TRIM2: variants seen among roughly 807,000 people sequenced by gnomAD.
The protein encoded by TRIM2 is tripartite motif containing 2.
Under a neutral mutation model 75.2 loss-of-function variants are expected in TRIM2, and 20 were observed. That is an observed-to-expected ratio of 0.27 (90% CI 0.19 to 0.39). The LOEUF (loss-of-function observed/expected upper bound fraction) is 0.39. Ranked by LOEUF, TRIM2 falls within the 10% of genes least tolerant of loss-of-function variation. The pLI is 1.00. For missense variants in TRIM2, 660 were observed against 990.8 expected, an observed-to-expected ratio of 0.67 and a Z score of 4.48; for synonymous variants, 373 against 388.3, an observed-to-expected ratio of 0.96 and a Z score of 0.46.
intron 6 of TRIM2, chr4:153,308,121 C>T: frequency 9.9e-7 from 1 of 1,014,518 alleles, no homozygotes; most frequent in Non-Finnish European, 1.6e-6. Context: ...GGTCATGACG[C>T]TGATCCACTT....
Position 153,335,070 on chromosome 4 carries a change from A to G in TRIM2, c.*104A>G. ...GACTAGAGTTTTTATGCCAGAAGGAATCATTGGTGAACTTTCCAAGGTTAT... is the reference window on the plus strand; with the variant it reads ...GACTAGAGTTTTTATGCCAGAAGGAGTCATTGGTGAACTTTCCAAGGTTAT... On this transcript the variant is annotated 3_prime_UTR_variant, in exon 12 of 12. Coordinates refer to ENST00000338700, the MANE Select transcript of TRIM2 (RefSeq NM_015271.5). 7.5e-7 allele frequency: 1 copy of G among 1,336,924 alleles called. No homozygotes were observed. The allele number at this position is 1,336,924 out of a possible 1,614,324, so 82.8% of individuals were successfully genotyped here. A position where few individuals can be genotyped will look rare whatever the true frequency, so the allele number is the denominator to read the frequency against.
At chr4:153,293,330 C>T (rs1762190648) in intron 4 of TRIM2, among the ~76,000 whole-genome samples, 197 bp downstream of exon 4, 1 of 152,234 alleles carries the variant, frequency 6.6e-6, no homozygotes, top group Admixed American at 6.5e-5. Context: ...GTTGGTAGAA[C>T]TCCAGCCTCC....
intron 1 of TRIM2, among the ~76,000 whole-genome samples, chr4:153,219,180 C>A (rs1739297567): frequency 6.6e-6 from 1 of 152,100 alleles, no homozygotes; most frequent in African/African-American, 2.4e-5. Context: ...CTGGCTCTTT[C>A]CAGCTATTTC....
rs1757187818 is a variant in TRIM2 at position 153,273,270 on chromosome 4, C to CATTTTTTTTTTTTTTT, written c.216-2623_216-2622insATTTTTTTTTTTTTTT. ...ACTCAGTGAGCACCTTACAGTCACT[C>CATTTTTTTTTTTTTTT]TTTTTTTTTTTTTTTTTTTTTTTGA... is the stretch of plus-strand genomic sequence containing the variant. On this transcript the variant is annotated intron_variant, in intron 2 of 11. Coordinates refer to ENST00000338700, the MANE Select transcript of TRIM2 (RefSeq NM_015271.5). 1.4e-4 allele frequency among the ~76,000 whole-genome samples: 8 copies of CATTTTTTTTTTTTTTT among 57,390 alleles called. 1 individual carries two copies. Among genetic ancestry groups the CATTTTTTTTTTTTTTT allele is most frequent in the African/African-American group, 5.6e-4 (8 of 14,298 alleles). 37.7% of individuals were successfully genotyped at this position (57,390 alleles called of 152,430 possible).
chr4:153,263,315 G>A (rs72729604), intron 1 of TRIM2, among the ~76,000 whole-genome samples: 12,951 of 151,886 alleles, frequency 0.085, 710 homozygotes, highest in Middle Eastern at 0.13. Context: ...GGTGACAGAG[G>A]GAGACCCTGT....
chr4:153,260,677 C>G (rs1410062699), intron 1 of TRIM2, among the ~76,000 whole-genome samples: 1 of 99,012 alleles, frequency 1.0e-5, no homozygotes, highest in East Asian at 3.5e-4. Context: ...CACACACACC[C>G]ACCCACACAC....
intron 6 of TRIM2, among the ~76,000 whole-genome samples, chr4:153,311,536 C>T (rs1766298869): frequency 6.6e-6 from 1 of 152,098 alleles, no homozygotes; most frequent in Non-Finnish European, 1.5e-5. Flanking sequence ...TTAGCCCCTT[C>T]TCTCCTGTTT....
At chr4:153,205,988 A>G (rs1016261628) in intron 1 of TRIM2, among the ~76,000 whole-genome samples, 2 of 152,210 alleles carry the variant, frequency 1.3e-5, no homozygotes, top group Non-Finnish European at 2.9e-5. Context: ...TGACTCTGCC[A>G]GTGAACTTTT....
intron 2 of TRIM2, among the ~76,000 whole-genome samples, chr4:153,273,168 T>A (rs954685088): frequency 1.3e-5 from 2 of 151,974 alleles, no homozygotes; most frequent in Non-Finnish European, 2.9e-5. Context: ...AGACAAAACT[T>A]TACAGCTTGT....
At chr4:153,176,546 T>A (rs576894692) in intron 1 of TRIM2, among the ~76,000 whole-genome samples, 2 of 152,316 alleles carry the variant, frequency 1.3e-5, no homozygotes, top group South Asian at 4.1e-4. Flanking sequence ...GTATTATTCT[T>A]GCAAATTTTC....
At chr4:153,209,137 G>A (rs1332562737) in intron 1 of TRIM2, among the ~76,000 whole-genome samples, 1 of 152,232 alleles carries the variant, frequency 6.6e-6, no homozygotes, top group African/African-American at 2.4e-5. Context: ...AGGCACGTAA[G>A]GAGCAGGGAG....
intron 3 of TRIM2, among the ~76,000 whole-genome samples, chr4:153,286,772 C>G (rs1004646389): frequency 1.3e-5 from 2 of 149,932 alleles, no homozygotes; most frequent in Non-Finnish European, 3.0e-5. Flanking sequence ...CGCACCCCCC[C>G]ACCATCTCAC....
At chr4:153,236,372 T>C (rs778317050) in intron 1 of TRIM2, among the ~76,000 whole-genome samples, 4 of 152,126 alleles carry the variant, frequency 2.6e-5, no homozygotes, top group Non-Finnish European at 5.9e-5. Flanking sequence ...CCTTACTCCC[T>C]CACTGTGCCC....
At chr4:153,250,226 T>C (rs1750530403) in intron 1 of TRIM2, among the ~76,000 whole-genome samples, 1 of 152,130 alleles carries the variant, frequency 6.6e-6, no homozygotes, top group Admixed American at 6.6e-5. Context: ...TTCAAGTGAT[T>C]CTCCTGCCTC....
intron 3 of TRIM2, among the ~76,000 whole-genome samples, chr4:153,283,453 A>G (rs1285374688): frequency 1.3e-5 from 2 of 152,204 alleles, no homozygotes; most frequent in African/African-American, 4.8e-5. Flanking sequence ...TTCATTCATC[A>G]GTTGATGGAC....
chr4:153,201,683 G>A (rs1734383572), upstream of TRIM2, among the ~76,000 whole-genome samples: 2 of 151,706 alleles, frequency 1.3e-5, no homozygotes, highest in Admixed American at 1.3e-4. Context: ...TGACAGAGTA[G>A]GACTTTGTCT....
chr4:153,239,483 G>C (rs1439524514), intron 1 of TRIM2, among the ~76,000 whole-genome samples: 1 of 152,008 alleles, frequency 6.6e-6, no homozygotes, highest in Non-Finnish European at 1.5e-5. Flanking sequence ...CTAACTAAGA[G>C]AGAAAGTTAT....
chr4:153,260,726 A>ACACACAC lies in TRIM2; in HGVS notation c.31-9609_31-9608insCACACAC, dbSNP rs768881075. ...CACACACACACACACACACACACACATCATCATCATCATCATCATGATCAT... is the reference window on the plus strand; with the variant it reads ...CACACACACACACACACACACACACACACACACTCATCATCATCATCATCATGATCAT... On this transcript the variant is annotated intron_variant, in intron 1 of 11. Coordinates refer to ENST00000338700, the MANE Select transcript of TRIM2 (RefSeq NM_015271.5). Among the ~76,000 whole-genome samples, 665 of 101,626 alleles carry ACACACAC rather than the reference A, an allele frequency of 6.5e-3. 5 individuals are homozygous for ACACACAC. The highest frequency in any genetic ancestry group is 0.024 in the African/African-American group (627 of 26,676). The allele number at this position is 101,626 out of a possible 152,430, so 66.7% of individuals were successfully genotyped here.
At chr4:153,197,702 T>A (rs893126187) in intron 1 of TRIM2, among the ~76,000 whole-genome samples, 4 of 151,978 alleles carry the variant, frequency 2.6e-5, no homozygotes, top group African/African-American at 4.8e-5. Flanking sequence ...AGAAACCCCA[T>A]CTCTCCTAAA....
Sources: allele counts gnomAD v4.1 joint callset (sites outside exome capture counted in the v4.1 genomes callset), GRCh38; gene constraint gnomAD v4.1.1; transcripts MANE v1.5; gene names NCBI Gene and HGNC (gene_info 2026-07-23, HGNC 2026-07-21).